Variants in REPS2 observed in about 807,000 individuals in gnomAD.
REPS2 encodes the protein ralBP1-associated Eps domain-containing protein 2.
REPS2 carries 23 observed loss-of-function variants against 53.6 expected under a neutral mutation model. The ratio of observed to expected loss-of-function variants is 0.43; its 90% CI spans 0.31 to 0.61. REPS2 has a LOEUF of 0.61. Among genes scored for constraint, REPS2 ranks in the 20% least tolerant of loss-of-function variants. The pLI, the probability that REPS2 is intolerant of heterozygous loss-of-function variation, is 0.11. For synonymous variants in REPS2, 238 were observed against 218.6 expected (o/e 1.09, Z -0.78); for missense variants, 446 against 534.9 (o/e 0.83, Z 1.64).
rs997546385 is a variant in REPS2 at position 17,070,438 on chromosome X, A to G, written c.1333+445A>G. ...ATGCTTCACCACCAGGAAGGCAACTATATGTGCTTATATATGGAGTGGATT... is the reference window on the plus strand; with the variant it reads ...ATGCTTCACCACCAGGAAGGCAACTGTATGTGCTTATATATGGAGTGGATT... On this transcript the variant is annotated intron_variant, in intron 11 of 17. Coordinates refer to ENST00000357277, the MANE Select transcript of REPS2 (RefSeq NM_004726.3). Among the ~76,000 whole-genome samples, 5 of 112,180 alleles carry G rather than the reference A, an allele frequency of 4.5e-5. No homozygotes were observed. In the East Asian group the frequency reaches 1.1e-3, roughly 25 times the overall value.
the REPS2 span, among the ~76,000 whole-genome samples, chrX:17,177,634 A>G: frequency 9.0e-6 from 1 of 111,469 alleles, no homozygotes; most frequent in Non-Finnish European, 1.9e-5. Context: ...CTCCCCTCCA[A>G]TCAATCACTT....
At position 17,049,248 on chromosome X, in the gene REPS2, A is replaced by T. The variant is rs375940494; in HGVS notation, c.907+1766A>T. ...TAGAGTATACTCTTACTTATATATAAAAAAAAGTTAACTGTAAAACAGCCT... is the reference window on the plus strand; with the variant it reads ...TAGAGTATACTCTTACTTATATATATAAAAAAGTTAACTGTAAAACAGCCT... On this transcript the variant is annotated intron_variant, in intron 6 of 17. Coordinates refer to ENST00000357277, the MANE Select transcript of REPS2 (RefSeq NM_004726.3). Among the ~76,000 whole-genome samples, 28 of 112,053 alleles carry T rather than the reference A, an allele frequency of 2.5e-4. 1 individual carries two copies. In the East Asian group the frequency reaches 4.5e-3, roughly 18 times the overall value.
intron 13 of REPS2, chrX:17,099,741 C>T: frequency 1.9e-6 from 1 of 522,295 alleles, no homozygotes; most frequent in Non-Finnish European, 3.5e-6. Flanking sequence ...CTGAAACCCA[C>T]AGTCAGATGT....
intron 2 of REPS2, among the ~76,000 whole-genome samples, chrX:17,019,959 A>G (rs1367759621): frequency 8.9e-6 from 1 of 112,482 alleles, no homozygotes; most frequent in African/African-American, 3.2e-5. Flanking sequence ...ATTATTATGT[A>G]TGGTTATACT....
intron 4 of REPS2, among the ~76,000 whole-genome samples, chrX:17,027,612 A>G (rs1411992078): frequency 9.2e-6 from 1 of 108,997 alleles, no homozygotes; most frequent in Non-Finnish European, 1.9e-5. Context: ...TGAAACTGCC[A>G]AAGAGTTCTG....
At chrX:17,192,039 A>G in the REPS2 span, among the ~76,000 whole-genome samples, 1 of 112,628 alleles carries the variant, frequency 8.9e-6, no homozygotes, top group East Asian at 2.8e-4. Flanking sequence ...ATTAGAAAAT[A>G]GATAAATAGA....
chrX:17,081,576 C>T (rs2062456046), intron 13 of REPS2, among the ~76,000 whole-genome samples: 1 of 112,459 alleles, frequency 8.9e-6, no homozygotes, highest in South Asian at 3.7e-4. Flanking sequence ...AAATATAGAA[C>T]AGTTGGCTTC....
At chrX:17,032,929 A>G (rs925563172) in intron 5 of REPS2, among the ~76,000 whole-genome samples, 2 of 112,081 alleles carry the variant, frequency 1.8e-5, no homozygotes, top group African/African-American at 6.5e-5. Flanking sequence ...AGCATATCCT[A>G]TGTTGGTAGA....
chrX:16,951,895 A>G (rs2060519045), intron 1 of REPS2, among the ~76,000 whole-genome samples: 1 of 111,795 alleles, frequency 8.9e-6, no homozygotes, highest in Non-Finnish European at 1.9e-5. Flanking sequence ...TTTTTAACAT[A>G]TACACATCTT....
At chrX:17,016,369 CTTTA>C (rs1448377679) in intron 2 of REPS2, among the ~76,000 whole-genome samples, 5 of 112,045 alleles carry the variant, frequency 4.5e-5, no homozygotes, top group Non-Finnish European at 7.5e-5. Flanking sequence ...GCTAATAAAA[CTTTA>C]TTTATGAACA....
At chrX:16,953,060 G>A (rs902282479) in intron 1 of REPS2, among the ~76,000 whole-genome samples, 2 of 109,647 alleles carry the variant, frequency 1.8e-5, no homozygotes, top group Admixed American at 2.0e-4. Flanking sequence ...TGGGAGACAA[G>A]AGTGAAACTC....
intron 2 of REPS2, among the ~76,000 whole-genome samples, chrX:17,016,842 T>A (rs1414385113): frequency 9.3e-6 from 1 of 107,221 alleles, no homozygotes; most frequent in Non-Finnish European, 1.9e-5. Flanking sequence ...CTGGATTTGG[T>A]TCTTAGGTAT....
At chrX:17,008,571 C>T (rs1405200928) in intron 2 of REPS2, among the ~76,000 whole-genome samples, 2 of 111,982 alleles carry the variant, frequency 1.8e-5, no homozygotes, top group African/African-American at 6.5e-5. Context: ...CTTCCTTCAC[C>T]ACTCTCTACT....
chrX:17,177,177 C>T, the REPS2 span, among the ~76,000 whole-genome samples: 2 of 112,244 alleles, frequency 1.8e-5, no homozygotes, highest in South Asian at 7.4e-4. Flanking sequence ...GACGCTTATA[C>T]CTTTAAATTT....
chrX:17,145,953 C>T (rs1456578258), intron 17 of REPS2, among the ~76,000 whole-genome samples: 1 of 109,981 alleles, frequency 9.1e-6, no homozygotes, highest in Non-Finnish European at 1.9e-5. Context: ...ACTAAAAATA[C>T]AGAAAATTAG....
chrX:17,006,398 G>A, intron 2 of REPS2, 54 bp downstream of exon 2: 2 of 1,109,129 alleles, frequency 1.8e-6, no homozygotes, highest in Non-Finnish European at 2.4e-6. Flanking sequence ...GCTCATTTAT[G>A]AGAACCATTT....
chrX:17,167,995 T>G, the REPS2 span, among the ~76,000 whole-genome samples: 1 of 111,703 alleles, frequency 9.0e-6, no homozygotes, highest in Non-Finnish European at 1.9e-5. Context: ...AAATTATACC[T>G]GACATTTTTG....
At chrX:17,130,975 A>G (rs191218522) in intron 14 of REPS2, among the ~76,000 whole-genome samples, 235 of 112,308 alleles carry the variant, frequency 2.1e-3, no homozygotes, top group Non-Finnish European at 3.4e-3. Context: ...CATAGTACCT[A>G]TTAGTAACAA....
At chrX:17,120,987 T>A (rs775735300) in intron 14 of REPS2, among the ~76,000 whole-genome samples, 2 of 111,584 alleles carry the variant, frequency 1.8e-5, no homozygotes, top group African/African-American at 3.3e-5. Context: ...ATCTCAAGGA[T>A]CATATGCCCG....
Sources: allele counts gnomAD v4.1 joint callset (sites outside exome capture counted in the v4.1 genomes callset), GRCh38; gene constraint gnomAD v4.1.1; transcripts MANE v1.5; gene names NCBI Gene and HGNC (gene_info 2026-07-23, HGNC 2026-07-21).